Variants in EHMT1 observed in about 807,000 individuals in gnomAD.
EHMT1 encodes euchromatic histone lysine methyltransferase 1.
A neutral mutation model predicts 147.2 loss-of-function variants in EHMT1; 15 were observed. The observed-to-expected ratio is 0.10, with a 90% CI of 0.07 to 0.16. The LOEUF is 0.16. Among genes scored for constraint, EHMT1 ranks in the 10% least tolerant of loss-of-function variants. EHMT1 has a pLI of 1.00. For synonymous variants in EHMT1, 795 were observed against 709.6 expected (o/e 1.12, Z -1.91); for missense variants, 1,587 against 1,772.4 (o/e 0.90, Z 1.88).
intron 9 of EHMT1, among the ~76,000 whole-genome samples, chr9:137,758,597 A>ATACC (rs1337544262): frequency 6.6e-6 from 1 of 152,198 alleles, no homozygotes; most frequent in East Asian, 1.9e-4. Context: ...AAAGTAGCTA[A>ATACC]TACCTATTTG....
At chr9:137,628,749 C>A (rs889893739) in intron 1 of EHMT1, among the ~76,000 whole-genome samples, 8 of 152,342 alleles carry the variant, frequency 5.3e-5, no homozygotes, top group African/African-American at 1.7e-4. Flanking sequence ...GTTTGTGCCT[C>A]AGCTCTAATG....
intron 13 of EHMT1, among the ~76,000 whole-genome samples, chr9:137,779,047 C>G (rs1259758567): frequency 1.3e-5 from 2 of 152,208 alleles, no homozygotes; most frequent in Non-Finnish European, 2.9e-5. Flanking sequence ...GGATCTGCCT[C>G]CAGGATCCAG....
Position 137,717,092 on chromosome 9 carries a change from T to C in EHMT1, c.552T>C (p.Ala184=). 1 of 1,612,124 alleles carries C rather than the reference T, an allele frequency of 6.2e-7. No individual in the cohort carries two copies. Among genetic ancestry groups the C allele is most frequent in the Non-Finnish European group, 8.5e-7 (1 of 1,179,518 alleles). ...CAGCCACCCTTGGGGAGGGGAGTGC[T>C]GACACAGAGGACAGGAAGCTCCCGG... is the stretch of plus-strand genomic sequence containing the variant. ...APPATLGEGS[A]DTEDRKLPAP... is the part of the protein sequence containing the mutation. Residue 184 remains alanine (A), a synonymous_variant, in exon 3 of 27, where the codon GCT becomes GCC. Coordinates refer to ENST00000460843, the MANE Select transcript of EHMT1 (RefSeq NM_024757.5).
Position 137,743,352 on chromosome 9 carries a change from CTTTT to C in EHMT1, c.824-6_824-3del, listed in dbSNP as rs34385417. ...CTTTTCCTTTCTTGTCCCCTTTTGACTTTTTTTTTTTTTTTTAGCTTGCTTGCCT... is the reference window on the plus strand; with the variant it reads ...CTTTTCCTTTCTTGTCCCCTTTTGACTTTTTTTTTTTTAGCTTGCTTGCCT... On this transcript the variant is annotated splice_polypyrimidine_tract_variant and intron_variant, in intron 4 of 26. Coordinates refer to ENST00000460843, the MANE Select transcript of EHMT1 (RefSeq NM_024757.5). 8.6e-5 allele frequency: 129 copies of C among 1,492,146 alleles called. 2 individuals are homozygous for C. In the African/African-American group the frequency reaches 1.3e-3, roughly 15 times the overall value. 92.4% of individuals were successfully genotyped at this position (1,492,146 alleles called of 1,614,324 possible). A position where few individuals can be genotyped will look rare whatever the true frequency, so the allele number is the denominator to read the frequency against.
chr9:137,777,770 A>G, intron 12 of EHMT1, 112 bp from the exon 13 acceptor site: 1 of 1,467,986 alleles, frequency 6.8e-7, no homozygotes, highest in Non-Finnish European at 9.4e-7. Flanking sequence ...CTAAGCGGAC[A>G]GTAAGCAAAT....
chr9:137,713,256 C>T (rs955877944), intron 2 of EHMT1, among the ~76,000 whole-genome samples: 4 of 146,008 alleles, frequency 2.7e-5, no homozygotes, highest in Admixed American at 6.9e-5. Flanking sequence ...GCCACCACAC[C>T]ATGCTAATTT....
In EHMT1 at chr9:137,716,653, C is replaced by T. The variant is rs1945337475; in HGVS notation, c.113C>T (p.Ser38Leu). 2 of 1,587,198 alleles carry T rather than the reference C, an allele frequency of 1.3e-6. No individual in the cohort carries two copies. The highest frequency in any genetic ancestry group is 1.4e-5 in the African/African-American group (1 of 74,072). ...EETPMAADEG[S>L]AEKQAGEAHM... ...ACACCTATGGCTGCCGATGAAGGCT[C>T]AGCAGAGAAACAGGCAGGAGAGGCC... Residue 38 changes from serine to leucine, a missense_variant, in exon 3 of 27, where the codon TCA (serine) becomes TTA (leucine). By Grantham distance (145) the Ser-to-Leu change is moderately radical (BLOSUM62 -2). Transcript: ENST00000460843.
At position 137,782,721 on chromosome 9, in the gene EHMT1, C is replaced by T. The variant is rs1357373024; in HGVS notation, c.2382+324C>T. ...AAGCACTCGCAGAGGCACGGACGCC[C>T]CTCCCCCAGCCCCGTTGACTGGCTC... On this transcript the variant is annotated intron_variant, in intron 15 of 26. Transcript: ENST00000460843. This position sits in a 1 kb window ranked among gnomAD's most constrained non-coding sequence, Gnocchi z 5.7. Among the ~76,000 whole-genome samples the T allele has an allele frequency of 6.6e-6, 1 of 152,190 alleles. No homozygotes were observed. Among genetic ancestry groups the T allele is most frequent in the African/African-American group, 2.4e-5 (1 of 41,446 alleles).
At chr9:137,640,811 G>A (rs573179549) in intron 1 of EHMT1, among the ~76,000 whole-genome samples, 1 of 152,174 alleles carries the variant, frequency 6.6e-6, no homozygotes, top group Non-Finnish European at 1.5e-5. Context: ...AACAGAAAGA[G>A]GTAGAGATTC....
At chr9:137,729,510 C>T (rs2135803722) in intron 4 of EHMT1, among the ~76,000 whole-genome samples, 1 of 152,074 alleles carries the variant, frequency 6.6e-6, no homozygotes, top group Non-Finnish European at 1.5e-5. Context: ...TGGCGTGAAC[C>T]CGGGAGGCGG....
intron 25 of EHMT1, among the ~76,000 whole-genome samples, chr9:137,821,834 A>C (rs1955445875): frequency 6.6e-6 from 1 of 152,068 alleles, no homozygotes; most frequent in Admixed American, 6.5e-5. Context: ...GATCTTTCTT[A>C]ATTACCCCCA....
At position 137,731,703 on chromosome 9, in the gene EHMT1, C is replaced by T. The variant is rs1564655917; in HGVS notation, c.823+3174C>T. Among the ~76,000 whole-genome samples the T allele has an allele frequency of 6.6e-6, 1 of 152,166 alleles. No homozygotes were observed. Among genetic ancestry groups the T allele is most frequent in the Admixed American group, 6.5e-5 (1 of 15,276 alleles). On this transcript the variant is annotated intron_variant, in intron 4 of 26. Coordinates refer to ENST00000460843, the MANE Select transcript of EHMT1 (RefSeq NM_024757.5). This position sits in a 1 kb window ranked among gnomAD's most constrained non-coding sequence, Gnocchi z 4.3. The stretch of plus-strand genomic sequence containing the variant: ...GCACCTGCTGGGCTCATTCTGCCCA[C>T]TCGGCCCAGCAGGCTGTACTTGGCT...
chr9:137,800,549 T>G, intron 17 of EHMT1: 2 of 381,572 alleles, frequency 5.2e-6, no homozygotes, highest in Non-Finnish European at 9.9e-6. Context: ...GTGTGTGCCA[T>G]TAGACTCGTT....
intron 6 of EHMT1, among the ~76,000 whole-genome samples, chr9:137,744,421 T>C (rs938256131): frequency 6.6e-6 from 1 of 152,122 alleles, no homozygotes; most frequent in East Asian, 1.9e-4. Flanking sequence ...CTGGGCTCAA[T>C]GATCCTCCCA....
rs115602375 is a variant in EHMT1, at chr9:137,787,776, C to T, written c.2383-3072C>T. On this transcript the variant is annotated intron_variant, in intron 15 of 26. Transcript: ENST00000460843. This position sits in a 1 kb window ranked among gnomAD's most constrained non-coding sequence, Gnocchi z 4.2. Reference sequence around the variant, plus strand: ...TTGGGTGACACACCCTGGAAGAGGGCGTCTAGATCCCAGCCCTGGGGGCCC... The same window carrying T: ...TTGGGTGACACACCCTGGAAGAGGGTGTCTAGATCCCAGCCCTGGGGGCCC... 3.2e-3 allele frequency: 2,623 copies of T among 826,472 alleles called. 39 individuals carry two copies. In the African/African-American group the frequency reaches 0.033, roughly 10 times the overall value. The allele number at this position is 826,472 out of a possible 1,614,324, so 51.2% of individuals were successfully genotyped here. A position where few individuals can be genotyped will look rare whatever the true frequency, so the allele number is the denominator to read the frequency against.
chr9:137,799,232 C>G (rs1385172645), intron 17 of EHMT1, among the ~76,000 whole-genome samples: 3 of 152,036 alleles, frequency 2.0e-5, no homozygotes, highest in East Asian at 1.9e-4. Context: ...TGTCCCCTCC[C>G]TGTCCCCTTC....
chr9:137,815,060 AGGC>A (rs921675953), intron 22 of EHMT1, among the ~76,000 whole-genome samples: 28 of 151,016 alleles, frequency 1.9e-4, no homozygotes, highest in African/African-American at 6.8e-4. Flanking sequence ...GTCTAAGCAG[AGGC>A]GGAGAGTTCC....
chr9:137,818,532 G>A (rs114830835), intron 25 of EHMT1, among the ~76,000 whole-genome samples: 2,800 of 142,676 alleles, frequency 0.02, 302 homozygotes, highest in African/African-American at 0.072. Context: ...GCCATGTACC[G>A]AGACTGTAGA....
At chr9:137,644,842 CTT>C (rs1368402961) in intron 1 of EHMT1, among the ~76,000 whole-genome samples, 1 of 151,928 alleles carries the variant, frequency 6.6e-6, no homozygotes, top group Non-Finnish European at 1.5e-5. Context: ...ATTGTAAACT[CTT>C]TGAGGTTAGG....
Sources: gnomAD v4.1 joint callset for allele counts (sites outside exome capture counted in the v4.1 genomes callset) on GRCh38, gnomAD v4.1.1 for gene constraint, Gnocchi (gnomAD v3.1) non-coding constraint, MANE v1.5 for transcripts, NCBI Gene and HGNC (gene_info 2026-07-23, HGNC 2026-07-21) for gene names.